Variants in GNAO1 observed in about 807,000 individuals in gnomAD.
GNAO1 encodes G protein subunit alpha o1, also known as guanine nucleotide-binding protein G(o) subunit alpha.
For missense variants in GNAO1, 166 were observed against 478.7 expected, an observed-to-expected ratio of 0.35 and a Z score of 6.10; for synonymous variants, 164 against 180.7, an observed-to-expected ratio of 0.91 and a Z score of 0.74.
At chr16:56,204,788 C>G (rs1348196992) in intron 2 of GNAO1, among the ~76,000 whole-genome samples, 1 of 152,062 alleles carries the variant, frequency 6.6e-6, no homozygotes, top group Non-Finnish European at 1.5e-5. Flanking sequence ...GAGTCAAGAA[C>G]CCAAGTTCTC....
chr16:56,220,844 T>A (rs1228602104), intron 2 of GNAO1, among the ~76,000 whole-genome samples: 1 of 151,930 alleles, frequency 6.6e-6, no homozygotes, highest in Non-Finnish European at 1.5e-5. Context: ...GCTGCCCGGG[T>A]TCAAGCAATT....
intron 2 of GNAO1, among the ~76,000 whole-genome samples, chr16:56,206,147 C>T (rs1475279465): frequency 4.6e-5 from 7 of 151,892 alleles, no homozygotes; most frequent in African/African-American, 1.7e-4. Context: ...GGTGAAACCT[C>T]GTCTTTACAA....
intron 1 of GNAO1, 35 bp downstream of exon 1, chr16:56,192,388 C>CAGCAT: frequency 8.0e-7 from 1 of 1,256,282 alleles, no homozygotes; most frequent in Non-Finnish European, 1.2e-6. Context: ...ATCCCCCGAC[C>CAGCAT]CCGGCCACTC....
chr16:56,259,638 T>G (rs1391492665), intron 2 of GNAO1, among the ~76,000 whole-genome samples: 1 of 152,204 alleles, frequency 6.6e-6, no homozygotes, highest in Non-Finnish European at 1.5e-5. Context: ...TCAGTAGCCA[T>G]GCGTCTGGCA....
chr16:56,253,294 C>T (rs1477905209), intron 2 of GNAO1, among the ~76,000 whole-genome samples: 1 of 152,148 alleles, frequency 6.6e-6, no homozygotes, highest in Non-Finnish European at 1.5e-5. Context: ...TGTCTTATCA[C>T]GAAGATTAGC....
chr16:56,312,077 C>T (rs192740284), intron 3 of GNAO1, among the ~76,000 whole-genome samples: 63 of 152,162 alleles, frequency 4.1e-4, no homozygotes, highest in Non-Finnish European at 7.9e-4. Flanking sequence ...GGGCTCTGGG[C>T]CAGCTCTGCC....
At chr16:56,244,287 A>G (rs1221135037) in intron 2 of GNAO1, among the ~76,000 whole-genome samples, 2 of 152,080 alleles carry the variant, frequency 1.3e-5, no homozygotes, top group African/African-American at 2.4e-5. Context: ...TTTTAAACCA[A>G]GTCTTAGGCT....
intron 2 of GNAO1, among the ~76,000 whole-genome samples, chr16:56,225,908 A>G (rs1428593926): frequency 6.6e-6 from 1 of 152,022 alleles, no homozygotes; most frequent in African/African-American, 2.4e-5. Context: ...TCCTGAAGGA[A>G]TGAAATCTCA....
intron 2 of GNAO1, among the ~76,000 whole-genome samples, chr16:56,268,724 C>T (rs1555503892): frequency 6.6e-6 from 1 of 152,134 alleles, no homozygotes; most frequent in Non-Finnish European, 1.5e-5. Context: ...CCTCCTTCTC[C>T]CTCCATACCA....
At chr16:56,233,967 T>G (rs1261757019) in intron 2 of GNAO1, among the ~76,000 whole-genome samples, 1 of 152,246 alleles carries the variant, frequency 6.6e-6, no homozygotes, top group Non-Finnish European at 1.5e-5. Flanking sequence ...CTGACCCGGC[T>G]CTGCTGGGAA....
intron 2 of GNAO1, chr16:56,270,506 G>A (rs1420704568): frequency 6.6e-6 from 1 of 152,146 alleles, no homozygotes; most frequent in Non-Finnish European, 1.5e-5. Context: ...AGAGGGACAG[G>A]TCTGGTGCAT....
At chr16:56,239,302 T>C (rs2036671754) in intron 2 of GNAO1, among the ~76,000 whole-genome samples, 1 of 152,264 alleles carries the variant, frequency 6.6e-6, no homozygotes, top group East Asian at 1.9e-4. Context: ...CAAAGTTGCA[T>C]TGATGCTACT....
At chr16:56,305,746 G>A (rs1426904758) in intron 3 of GNAO1, among the ~76,000 whole-genome samples, 1 of 152,194 alleles carries the variant, frequency 6.6e-6, no homozygotes, top group African/African-American at 2.4e-5. Context: ...AGTTCTGAAG[G>A]CTGGGAGTCT....
intron 2 of GNAO1, among the ~76,000 whole-genome samples, chr16:56,201,721 T>C (rs1475853544): frequency 2.0e-5 from 3 of 152,190 alleles, no homozygotes; most frequent in Admixed American, 2.0e-4. Context: ...TGGAAGAGCA[T>C]TGAGGAGGAG....
chr16:56,299,354 C>T (rs934591135), intron 3 of GNAO1, among the ~76,000 whole-genome samples: 1 of 152,246 alleles, frequency 6.6e-6, no homozygotes, highest in East Asian at 1.9e-4. Flanking sequence ...GGAGGTAGGG[C>T]CCTGGGGCCT....
intron 6 of GNAO1, chr16:56,344,019 C>G: frequency 6.3e-7 from 1 of 1,585,390 alleles, no homozygotes; most frequent in South Asian, 1.1e-5. Context: ...GAACCAGGCT[C>G]CACCACTCTC....
chr16:56,277,499 A>G (rs2037070845), intron 3 of GNAO1, among the ~76,000 whole-genome samples: 1 of 152,222 alleles, frequency 6.6e-6, no homozygotes, highest in Non-Finnish European at 1.5e-5. Flanking sequence ...AACCCAGATG[A>G]GTACAGTGCT....
chr16:56,335,839 A>G (rs2037735202), intron 5 of GNAO1, among the ~76,000 whole-genome samples: 1 of 152,196 alleles, frequency 6.6e-6, no homozygotes, highest in African/African-American at 2.4e-5. Flanking sequence ...CCTGCATTTC[A>G]GATGGGGAGG....
chr16:56,263,411 G>A (rs575292168), intron 2 of GNAO1, among the ~76,000 whole-genome samples: 1 of 152,166 alleles, frequency 6.6e-6, no homozygotes, highest in Non-Finnish European at 1.5e-5. Context: ...AGTCCTCATG[G>A]AGCTCACGTC....
Sources: allele counts gnomAD v4.1 joint callset (sites outside exome capture counted in the v4.1 genomes callset), GRCh38; gene constraint gnomAD v4.1.1; transcripts MANE v1.5; gene names NCBI Gene and HGNC (gene_info 2026-07-23, HGNC 2026-07-21).